FHDC1: variants seen among roughly 807,000 people sequenced by gnomAD.
FHDC1 encodes the protein FH2 domain-containing protein 1.
FHDC1 carries 25 observed loss-of-function variants against 52.6 expected under a neutral mutation model. The ratio of observed to expected loss-of-function variants is 0.48; its 90% confidence interval spans 0.35 to 0.66. The LOEUF (loss-of-function observed/expected upper bound fraction) is 0.66, where lower values mean the gene tolerates loss of function less well. Ranked by LOEUF, FHDC1 falls within the 30% of genes least tolerant of loss-of-function variation. FHDC1 has a pLI of 0.01. For missense variants in FHDC1, 1,459 were observed against 1,452.8 expected (o/e 1.00, Z -0.07); for synonymous variants, 616 against 581.5 (o/e 1.06, Z -0.85).
chr4:152,939,247 TGTGTGTGTGTTTGA>T (rs1424581095), intron 1 of FHDC1, among the ~76,000 whole-genome samples: 4 of 151,906 alleles, frequency 2.6e-5, no homozygotes, highest in Admixed American at 6.6e-5. Flanking sequence ...CCAGCTACTG[TGTGTGTGTGTTTGA>T]GTGTGTGTGT....
Position 152,960,773 on chromosome 4 carries a change from T to C in FHDC1, c.779T>C (p.Leu260Pro). The change falls in exon 6 of 12, where the codon CTA becomes CCA. Residue 260 changes from leucine (L) to proline (P), a missense_variant. Around this residue, in one of 3 missense-constraint regions of FHDC1, gnomAD observed 513 missense variants for 581.5 expected, o/e 0.88. Transcript: ENST00000511601. ...TCACTTCGGATTGAAGCCATGGTGCTAAAGAAGGAATTTCTACCTTCTTGC... is the reference window on the plus strand; with the variant it reads ...TCACTTCGGATTGAAGCCATGGTGCCAAAGAAGGAATTTCTACCTTCTTGC... Reference protein sequence around the residue: ...NYSLRIEAMVLKKEFLPSCSS... With the variant: ...NYSLRIEAMVPKKEFLPSCSS... 1 of 1,613,358 alleles carries C rather than the reference T, an allele frequency of 6.2e-7. No individual in the cohort carries two copies. Among genetic ancestry groups the C allele is most frequent in the Non-Finnish European group, 8.5e-7 (1 of 1,179,868 alleles).
chr4:152,974,617 G>T, intron 11 of FHDC1, 58 bp from the exon 12 acceptor site: 1 of 1,492,234 alleles, frequency 6.7e-7, no homozygotes, highest in South Asian at 1.5e-5. Flanking sequence ...GGTGGCTCTG[G>T]AACTGCACAT....
At chr4:152,974,552 A>G in intron 11 of FHDC1, 123 bp from the exon 12 acceptor site, 1 of 1,417,938 alleles carries the variant, frequency 7.1e-7, no homozygotes, top group South Asian at 1.8e-5. Context: ...TCTCAGTGTA[A>G]GACATGACCC....
Position 152,976,816 on chromosome 4 carries a change from C to T in FHDC1, c.*93C>T. On this transcript the variant is annotated 3_prime_UTR_variant, in exon 12 of 12. Transcript: ENST00000511601. ...GGAAAGAGGCAGCATGTCTTTGTTA[C>T]AGATAAAGCAGCCACTGGTGCCACT... 7.1e-7 allele frequency: 1 copy of T among 1,413,406 alleles called. No individual in the cohort carries two copies. The allele number at this position is 1,413,406 out of a possible 1,614,324, so 87.6% of individuals were successfully genotyped here. A position where few individuals can be genotyped will look rare whatever the true frequency, so the allele number is the denominator to read the frequency against.
intron 2 of FHDC1, among the ~76,000 whole-genome samples, chr4:152,950,727 G>A (rs906247510): frequency 4.6e-5 from 7 of 152,210 alleles, no homozygotes; most frequent in Admixed American, 6.5e-5. Context: ...CCAGGCACAC[G>A]TATAGCTTCT....
At chr4:152,946,650 CA>C (rs1442580607) in intron 2 of FHDC1, among the ~76,000 whole-genome samples, 2 of 152,190 alleles carry the variant, frequency 1.3e-5, no homozygotes, top group African/African-American at 4.8e-5. Flanking sequence ...GCCTGTTCAG[CA>C]GAGGGACTGC....
chr4:152,978,178 C>T lies in FHDC1; in HGVS notation c.*1455C>T, dbSNP rs1266062862. 1.3e-5 allele frequency: 2 copies of T among 152,206 alleles called. No homozygotes were observed. The highest frequency in any genetic ancestry group is 2.4e-5 in the African/African-American group (1 of 41,448). 9.4% of individuals were successfully genotyped at this position (152,206 alleles called of 1,614,324 possible). ...GTTTGACAGTGTGCGTCTTTCCAAT[C>T]CCATGTTCCTCCATTCGTGTGTCTG... On this transcript the variant is annotated 3_prime_UTR_variant, in exon 12 of 12. Coordinates refer to ENST00000511601, the MANE Select transcript of FHDC1 (RefSeq NM_001371116.1).
At position 152,948,141 on chromosome 4, in the gene FHDC1, G is replaced by A. The variant is rs1423075004; in HGVS notation, c.498+4586G>A. On this transcript the variant is annotated intron_variant, in intron 2 of 11. Transcript: ENST00000511601. Reference sequence around the variant, plus strand: ...AGAAAATGAAAAACCATCAAAACCCGAAAGCTAGGTCCATATTGGAGGATA... The same window carrying A: ...AGAAAATGAAAAACCATCAAAACCCAAAAGCTAGGTCCATATTGGAGGATA... Among the ~76,000 whole-genome samples, 4 of 152,118 alleles carry A rather than the reference G, an allele frequency of 2.6e-5. No homozygotes were observed. In the East Asian group the frequency reaches 5.8e-4, roughly 22 times the overall value.
chr4:152,956,252 A>G (rs1457928602), intron 4 of FHDC1, among the ~76,000 whole-genome samples: 1 of 152,116 alleles, frequency 6.6e-6, no homozygotes, highest in Non-Finnish European at 1.5e-5. Flanking sequence ...GGACCTCTCT[A>G]TACCCACTCC....
chr4:152,935,503 A>G (rs1418988617), upstream of FHDC1, among the ~76,000 whole-genome samples: 3 of 152,118 alleles, frequency 2.0e-5, no homozygotes, highest in Admixed American at 1.3e-4. Context: ...TCTTTCTGTG[A>G]GGAGTGTGCC....
chr4:152,968,776 T>C (rs1190083580), intron 10 of FHDC1, among the ~76,000 whole-genome samples: 1 of 152,226 alleles, frequency 6.6e-6, no homozygotes, highest in Non-Finnish European at 1.5e-5. Context: ...AAGTTTTGTT[T>C]CTAAACCAGT....
In FHDC1 at chr4:152,976,726, G is replaced by T; in HGVS notation, c.*3G>T. 1 of 1,472,198 alleles carries T rather than the reference G, an allele frequency of 6.8e-7. No homozygotes were observed. The highest frequency in any genetic ancestry group is 2.4e-5 in the East Asian group (1 of 41,156). The allele number at this position is 1,472,198 out of a possible 1,614,324, so 91.2% of individuals were successfully genotyped here. A position where few individuals can be genotyped will look rare whatever the true frequency, so the allele number is the denominator to read the frequency against. The stretch of plus-strand genomic sequence containing the variant: ...TCCTCAATCCCTTACGGAAGTGATG[G>T]GTGCCTGTCCTCTCCTGCCTCCTGG... On this transcript the variant is annotated 3_prime_UTR_variant, in exon 12 of 12. Transcript: ENST00000511601.
intron 4 of FHDC1, among the ~76,000 whole-genome samples, chr4:152,958,875 A>G (rs914275622): frequency 2.0e-5 from 3 of 152,230 alleles, no homozygotes; most frequent in Non-Finnish European, 2.9e-5. Flanking sequence ...CAGTAAGGGA[A>G]ATGCAATTAT....
chr4:152,949,995 G>T (rs920472378), intron 2 of FHDC1, among the ~76,000 whole-genome samples: 3 of 152,192 alleles, frequency 2.0e-5, no homozygotes, highest in African/African-American at 7.2e-5. Context: ...GTGACCAGAG[G>T]AGTAATTACC....
chr4:152,964,831 C>T, intron 8 of FHDC1, 74 bp from the exon 9 acceptor site: 2 of 1,258,282 alleles, frequency 1.6e-6, no homozygotes, highest in Non-Finnish European at 2.3e-6. Context: ...TTTTAAGATT[C>T]CTTTAAGCCC....
the FHDC1 span, among the ~76,000 whole-genome samples, chr4:152,931,009 T>A: frequency 7.5e-5 from 11 of 146,474 alleles, no homozygotes; most frequent in East Asian, 2.1e-4. Context: ...TCTCTCTCTC[T>A]CTCTCTCTCT....
At chr4:152,954,150 A>G in intron 3 of FHDC1, 67 bp from the exon 4 acceptor site, 1 of 1,363,198 alleles carries the variant, frequency 7.3e-7, no homozygotes, top group African/African-American at 1.4e-5. Context: ...TTTAATTTCC[A>G]CTGGCTTGCA....
rs753951262 is a variant in FHDC1 at position 152,975,672 on chromosome 4, GAGGCGGGGACCCGGAGGA to G, written c.2391_2408del (p.Asp797_Gly802del). ...TCAGAGGGAACCGACTCCAGACCCA[GAGGCGGGGACCCGGAGGA>G]AGGCGGGGAAGGGGATGGCTCCATG... On this transcript the variant is annotated inframe_deletion, in exon 12 of 12. Transcript: ENST00000511601. 8 of 1,613,106 alleles carry G rather than the reference GAGGCGGGGACCCGGAGGA, an allele frequency of 5.0e-6. No homozygotes were observed. The Admixed American group carries it at 1.3e-4, about 27-fold the overall frequency.
At chr4:152,923,430 T>A in the FHDC1 span, among the ~76,000 whole-genome samples, 1 of 152,198 alleles carries the variant, frequency 6.6e-6, no homozygotes, top group African/African-American at 2.4e-5. Flanking sequence ...ATGGCCATAC[T>A]GCCCAAGGTA....
Sources: gnomAD v4.1 joint callset for allele counts (sites outside exome capture counted in the v4.1 genomes callset) on GRCh38, gnomAD v4.1.1 for gene constraint, gnomAD v4.1.1 regional missense constraint, MANE v1.5 for transcripts, NCBI Gene and HGNC (gene_info 2026-07-23, HGNC 2026-07-21) for gene names.